SPIRE1: variants seen among roughly 807,000 people sequenced by gnomAD.
SPIRE1 encodes protein spire homolog 1.
SPIRE1 carries 40 observed loss-of-function variants against 94.1 expected under a neutral mutation model. The ratio of observed to expected loss-of-function variants is 0.43; its 90% CI spans 0.33 to 0.55. The LOEUF (loss-of-function observed/expected upper bound fraction) is 0.55, where lower values mean the gene tolerates loss of function less well. SPIRE1 is among the 20% of genes least tolerant of loss of function. The pLI, the probability that SPIRE1 is intolerant of heterozygous loss-of-function variation, is 0.06. For missense variants in SPIRE1, 838 were observed against 975.2 expected (o/e 0.86, Z 1.87); for synonymous variants, 376 against 371.7 (o/e 1.01, Z -0.13).
chr18:12,509,365 T>A (rs752897624), intron 5 of SPIRE1, among the ~76,000 whole-genome samples: 1 of 152,220 alleles, frequency 6.6e-6, no homozygotes, highest in Non-Finnish European at 1.5e-5. Context: ...TACTTTAAGT[T>A]TATACTAGCT....
chr18:12,488,690 T>C (rs1195907792), intron 8 of SPIRE1, among the ~76,000 whole-genome samples: 5 of 152,178 alleles, frequency 3.3e-5, no homozygotes, highest in East Asian at 3.9e-4. Context: ...TTTTTAGATA[T>C]ACACACGTCA....
intron 1 of SPIRE1, among the ~76,000 whole-genome samples, chr18:12,650,672 TGCACTCCAGCCTGGTGACA>T (rs1435966291): frequency 7.0e-6 from 1 of 142,136 alleles, no homozygotes; most frequent in Non-Finnish European, 1.5e-5. Context: ...ATCACGCCGC[TGCACTCCAGCCTGGTGACA>T]GAGCAAGACT....
chr18:12,486,023 T>A, intron 8 of SPIRE1, 23 bp from the exon 9 acceptor site: 1 of 1,510,716 alleles, frequency 6.6e-7, no homozygotes, highest in Non-Finnish European at 8.8e-7. Context: ...AAACAAACAA[T>A]AAAAAGAAAA....
At chr18:12,613,891 C>CA (rs1248466020) in intron 2 of SPIRE1, among the ~76,000 whole-genome samples, 3 of 151,410 alleles carry the variant, frequency 2.0e-5, no homozygotes, top group East Asian at 1.9e-4. Context: ...ACTCTTGTCT[C>CA]AAAAAAAACA....
chr18:12,612,171 C>A (rs552290790), intron 2 of SPIRE1, among the ~76,000 whole-genome samples: 1 of 152,310 alleles, frequency 6.6e-6, no homozygotes, highest in African/African-American at 2.4e-5. Context: ...ATAATCAATT[C>A]TTAGCTTTCC....
At chr18:12,644,713 T>C (rs1161150021) in intron 1 of SPIRE1, among the ~76,000 whole-genome samples, 1 of 152,218 alleles carries the variant, frequency 6.6e-6, no homozygotes, top group African/African-American at 2.4e-5. Context: ...TCAAGAATCA[T>C]TTTATAGACT....
rs1283240553 is a variant in SPIRE1, at chr18:12,485,135, C to T, written c.1231+824G>A. ...TTTTTTTTTTTTTGAGACTGAGTCT[C>T]GCTCTGTTGCCCAGGCTGATGTTCA... On this transcript the variant is annotated intron_variant, in intron 9 of 16. Transcript: ENST00000409402. 1.7e-4 allele frequency among the ~76,000 whole-genome samples: 23 copies of T among 136,554 alleles called. No individual in the cohort carries two copies. The Admixed American group carries it at 1.7e-3, about 10-fold the overall frequency. The allele number at this position is 136,554 out of a possible 152,430, so 89.6% of individuals were successfully genotyped here. A position where few individuals can be genotyped will look rare whatever the true frequency, so the allele number is the denominator to read the frequency against.
intron 4 of SPIRE1, among the ~76,000 whole-genome samples, chr18:12,534,538 G>T (rs2034783251): frequency 6.6e-6 from 1 of 152,150 alleles, no homozygotes; most frequent in Non-Finnish European, 1.5e-5. Context: ...CAGTTTAGGT[G>T]GGCACCATCC....
chr18:12,544,407 G>T (rs1478055203), intron 3 of SPIRE1, among the ~76,000 whole-genome samples: 1 of 151,060 alleles, frequency 6.6e-6, no homozygotes, highest in East Asian at 1.9e-4. Context: ...GTTTCCCCAT[G>T]TTGGCCAGCT....
At chr18:12,639,644 T>C (rs776360675) in intron 1 of SPIRE1, among the ~76,000 whole-genome samples, 20 of 152,010 alleles carry the variant, frequency 1.3e-4, no homozygotes, top group Middle Eastern at 3.4e-3. Flanking sequence ...AGGCAGAGAA[T>C]TGCTTGAACC....
chr18:12,535,887 G>A (rs527707139), intron 3 of SPIRE1, among the ~76,000 whole-genome samples: 15 of 152,206 alleles, frequency 9.9e-5, no homozygotes, highest in South Asian at 2.1e-4. Flanking sequence ...CCTGGGAGGC[G>A]GAGGTTGCAG....
intron 10 of SPIRE1, among the ~76,000 whole-genome samples, chr18:12,466,363 G>A (rs529132023): frequency 2.1e-4 from 32 of 152,020 alleles, no homozygotes; most frequent in Admixed American, 3.9e-4. Flanking sequence ...TGCGACCTCC[G>A]CCTCCCGGGC....
intron 12 of SPIRE1, among the ~76,000 whole-genome samples, chr18:12,459,142 C>A (rs897320715): frequency 2.0e-5 from 3 of 152,114 alleles, no homozygotes; most frequent in Admixed American, 6.5e-5. Flanking sequence ...TGTAAAAAAA[C>A]CTCAAAAAAC....
intron 2 of SPIRE1, among the ~76,000 whole-genome samples, chr18:12,614,384 T>C (rs1243345967): frequency 6.6e-6 from 1 of 152,246 alleles, no homozygotes; most frequent in Non-Finnish European, 1.5e-5. Flanking sequence ...TCCCCCTGTA[T>C]TTTTACCAGA....
chr18:12,613,540 C>A (rs2037202036), intron 2 of SPIRE1, among the ~76,000 whole-genome samples: 1 of 152,140 alleles, frequency 6.6e-6, no homozygotes, highest in South Asian at 2.1e-4. Flanking sequence ...AGTGCAGAAG[C>A]ATAAAATACA....
rs111727865 is a variant in SPIRE1, at chr18:12,603,306, T to C, written c.372+31756A>G. 9.4e-3 allele frequency among the ~76,000 whole-genome samples: 1,430 copies of C among 152,308 alleles called. 25 individuals are homozygous for C. Among genetic ancestry groups the C allele is most frequent in the African/African-American group, 0.033 (1,357 of 41,548 alleles). On this transcript the variant is annotated intron_variant, in intron 2 of 16. Transcript: ENST00000409402. ...TTAACTTGAACCGTCTGTAACTGTGTTTGCTTTTCTGGGGAAATGTGATAT... is the reference window on the plus strand; with the variant it reads ...TTAACTTGAACCGTCTGTAACTGTGCTTGCTTTTCTGGGGAAATGTGATAT...
Position 12,464,840 on chromosome 18 carries a change from T to C in SPIRE1, c.1495+28A>G, listed in dbSNP as rs770995739. 8.8e-6 allele frequency: 14 copies of C among 1,591,696 alleles called. No individual in the cohort carries two copies. In the East Asian group the frequency reaches 3.1e-4, roughly 36 times the overall value. On this transcript the variant is annotated intron_variant, in intron 11 of 16. Coordinates refer to ENST00000409402, the MANE Select transcript of SPIRE1 (RefSeq NM_001128626.2). ...TGTGTTTTGTAGTAAGACATCCGAC[T>C]ACAGCTCTTAGCACCACAACTACTC...
intron 10 of SPIRE1, among the ~76,000 whole-genome samples, chr18:12,478,506 AGAGT>A (rs1207508558): frequency 3.0e-5 from 4 of 131,910 alleles, no homozygotes; most frequent in African/African-American, 5.9e-5. Flanking sequence ...GTATGAAGCT[AGAGT>A]GTGTGTGTGT....
intron 10 of SPIRE1, among the ~76,000 whole-genome samples, chr18:12,470,662 T>C (rs536852841): frequency 8.7e-4 from 132 of 152,342 alleles, no homozygotes; most frequent in African/African-American, 3.1e-3. Flanking sequence ...CATGTGCATG[T>C]ACAGACTCCT....
Sources: allele counts gnomAD v4.1 joint callset (sites outside exome capture counted in the v4.1 genomes callset), GRCh38; gene constraint gnomAD v4.1.1; transcripts MANE v1.5; gene names NCBI Gene and HGNC (gene_info 2026-07-23, HGNC 2026-07-21).